The following KATNIP variants were observed in gnomAD, a reference collection of about 807,000 sequenced individuals.
KATNIP encodes the protein katanin-interacting protein.
KATNIP carries 126 observed loss-of-function variants against 174.0 expected under a neutral mutation model. The ratio of observed to expected loss-of-function variants is 0.72; its 90% CI spans 0.63 to 0.84. The LOEUF is 0.84. Among genes scored for constraint, KATNIP ranks in the 40% least tolerant of loss-of-function variants. The pLI, the probability that KATNIP is intolerant of heterozygous loss-of-function variation, is 0.00. For synonymous variants in KATNIP, 810 were observed against 835.7 expected, an observed-to-expected ratio of 0.97 and a Z score of 0.53; for missense variants, 1,958 against 2,109.7, an observed-to-expected ratio of 0.93 and a Z score of 1.41.
Position 27,776,083 on chromosome 16 carries a change from A to G in KATNIP, c.4450-845A>G, listed in dbSNP as rs965093538. Among the ~76,000 whole-genome samples, 1 of 152,084 alleles carries G rather than the reference A, an allele frequency of 6.6e-6. No homozygotes were observed. Among genetic ancestry groups the G allele is most frequent in the African/African-American group, 2.4e-5 (1 of 41,406 alleles). On this transcript the variant is annotated intron_variant, in intron 24 of 27. Transcript: ENST00000261588. The surrounding 1 kb of genome is among the most constrained non-coding windows in gnomAD (Gnocchi z 4.7). Reference sequence around the variant, plus strand: ...CTGTTGCTCTCGCGGCTGGACTCCAACATCTGTATCTGCTTGAGCCTCACA... The same window carrying G: ...CTGTTGCTCTCGCGGCTGGACTCCAGCATCTGTATCTGCTTGAGCCTCACA...
chr16:27,698,252 A>G (rs890591077), intron 8 of KATNIP, 76 bp from the exon 9 acceptor site: 28 of 1,405,236 alleles, frequency 2.0e-5, no homozygotes, highest in East Asian at 4.7e-5. Flanking sequence ...ATGTTCCTCA[A>G]TTGGGGTCTA....
At chr16:27,667,824 T>C (rs1337117489) in intron 6 of KATNIP, among the ~76,000 whole-genome samples, 1 of 152,222 alleles carries the variant, frequency 6.6e-6, no homozygotes, top group East Asian at 1.9e-4. Context: ...TAGCTGTTAA[T>C]TTCGTTTTGA....
At chr16:27,729,773 C>T (rs1263948832) in intron 14 of KATNIP, among the ~76,000 whole-genome samples, 2 of 152,206 alleles carry the variant, frequency 1.3e-5, no homozygotes, top group Non-Finnish European at 2.9e-5. Flanking sequence ...GCTCCTGGCT[C>T]ACAACTTTGA....
At chr16:27,551,544 T>C (rs1167768972) in intron 1 of KATNIP, among the ~76,000 whole-genome samples, 2 of 152,198 alleles carry the variant, frequency 1.3e-5, no homozygotes, top group African/African-American at 4.8e-5. Flanking sequence ...ATATCGAAGA[T>C]TTAAACTGGG....
intron 14 of KATNIP, among the ~76,000 whole-genome samples, chr16:27,728,298 G>A (rs934749891): frequency 1.3e-5 from 2 of 152,262 alleles, no homozygotes; most frequent in Non-Finnish European, 2.9e-5. Flanking sequence ...GATGCAGTGA[G>A]TATAGTCTGT....
chr16:27,661,516 C>T (rs1222081387), intron 6 of KATNIP, among the ~76,000 whole-genome samples: 2 of 151,974 alleles, frequency 1.3e-5, no homozygotes, highest in African/African-American at 2.4e-5. Flanking sequence ...CTCAGCCTCC[C>T]AAGTAGCTGG....
intron 27 of KATNIP, 71 bp from the exon 28 acceptor site, chr16:27,778,503 G>A: frequency 2.7e-6 from 4 of 1,485,934 alleles, no homozygotes; most frequent in Non-Finnish European, 3.7e-6. Context: ...GGATTTCACT[G>A]GGGAGTGTGG....
chr16:27,585,003 C>T (rs934370279), intron 2 of KATNIP, among the ~76,000 whole-genome samples: 9 of 152,162 alleles, frequency 5.9e-5, no homozygotes, highest in East Asian at 1.9e-4. Flanking sequence ...GCCACTCCCC[C>T]TCCTCCCTGT....
chr16:27,670,143 A>C, intron 6 of KATNIP, among the ~76,000 whole-genome samples: 1 of 152,250 alleles, frequency 6.6e-6, no homozygotes, highest in Non-Finnish European at 1.5e-5. Flanking sequence ...TTAATACATT[A>C]GGAAATAAGA....
intron 8 of KATNIP, among the ~76,000 whole-genome samples, chr16:27,687,677 A>C (rs2078572995): frequency 6.6e-6 from 1 of 152,228 alleles, no homozygotes; most frequent in African/African-American, 2.4e-5. Flanking sequence ...GTGAAAGAAC[A>C]TTAGTCTTTA....
At chr16:27,619,419 G>A (rs986086709) in intron 3 of KATNIP, among the ~76,000 whole-genome samples, 2 of 152,172 alleles carry the variant, frequency 1.3e-5, no homozygotes, top group Admixed American at 6.5e-5. Context: ...CAGAACTGGT[G>A]GGGGGAAGGG....
chr16:27,722,129 G>A (rs557342615), intron 14 of KATNIP, among the ~76,000 whole-genome samples: 1 of 152,288 alleles, frequency 6.6e-6, no homozygotes, highest in Non-Finnish European at 1.5e-5. Flanking sequence ...TAAAATGCAG[G>A]TTCTAATTCA....
At chr16:27,641,970 T>G (rs1249978462) in intron 5 of KATNIP, among the ~76,000 whole-genome samples, 1 of 152,240 alleles carries the variant, frequency 6.6e-6, no homozygotes, top group Non-Finnish European at 1.5e-5. Flanking sequence ...CCCTCCTCCT[T>G]GCCCCTTCTC....
At chr16:27,651,919 C>A (rs2077132636) in intron 6 of KATNIP, among the ~76,000 whole-genome samples, 1 of 152,296 alleles carries the variant, frequency 6.6e-6, no homozygotes, top group African/African-American at 2.4e-5. Flanking sequence ...GGGGTTTCAC[C>A]ATGTTGGCCA....
At chr16:27,708,367 T>C (rs770529261) in intron 12 of KATNIP, 11 of 226,980 alleles carry the variant, frequency 4.8e-5, no homozygotes, top group Non-Finnish European at 9.6e-5. Flanking sequence ...CGTGACAAGC[T>C]TCTGGGTACC....
rs1419502356 is a variant in KATNIP at position 27,740,834 on chromosome 16, A to G, written c.2537A>G (p.Asn846Ser). The change falls in exon 15 of 28, where the codon AAC (asparagine) becomes AGC (serine). Residue 846 changes from asparagine (N) to serine (S), a missense_variant. Coordinates refer to ENST00000261588, the MANE Select transcript of KATNIP (RefSeq NM_015202.5). The part of the protein sequence containing the change: ...DDSDIFNQPP[N>S]RERPASGRRG... ...TCAGACATCTTTAACCAGCCCCCCA[A>G]CAGAGAGCGCCCTGCTAGTGGGAGG... 1 of 1,613,480 alleles carries G rather than the reference A, an allele frequency of 6.2e-7. No individual in the cohort carries two copies. The highest frequency in any genetic ancestry group is 2.2e-5 in the East Asian group (1 of 44,880).
chr16:27,570,141 C>T (rs957498253), intron 1 of KATNIP, among the ~76,000 whole-genome samples: 25 of 152,136 alleles, frequency 1.6e-4, no homozygotes, highest in African/African-American at 5.5e-4. Flanking sequence ...TTGCAGAGTT[C>T]GGTTAATAAG....
intron 5 of KATNIP, among the ~76,000 whole-genome samples, chr16:27,638,656 T>C (rs2076706308): frequency 6.6e-6 from 1 of 151,548 alleles, no homozygotes; most frequent in Non-Finnish European, 1.5e-5. Flanking sequence ...AACCAGGAGG[T>C]ATCAGTGGGG....
rs1273449882 is a variant in KATNIP at position 27,694,805 on chromosome 16, A to AT, written c.941-3522dup. On this transcript the variant is annotated intron_variant, in intron 8 of 27. Coordinates refer to ENST00000261588, the MANE Select transcript of KATNIP (RefSeq NM_015202.5). ...AGACCCTACCACAATAAATAAATAA[A>AT]TAAATAAATAAATAAATTTACATAT... Among the ~76,000 whole-genome samples, 23 of 151,838 alleles carry AT rather than the reference A, an allele frequency of 1.5e-4. 1 individual carries two copies. Among genetic ancestry groups the AT allele is most frequent in the African/African-American group, 5.3e-4 (22 of 41,346 alleles).
Sources: gnomAD v4.1 joint callset for allele counts (sites outside exome capture counted in the v4.1 genomes callset) on GRCh38, gnomAD v4.1.1 for gene constraint, Gnocchi (gnomAD v3.1) non-coding constraint, MANE v1.5 for transcripts, NCBI Gene and HGNC (gene_info 2026-07-23, HGNC 2026-07-21) for gene names.